SLC25A26: variants seen among roughly 807,000 people sequenced by gnomAD.
The protein encoded by SLC25A26 is solute carrier family 25 member 26, also known as mitochondrial S-adenosylmethionine carrier protein.
Under a neutral mutation model 37.8 loss-of-function variants are expected in SLC25A26, and 36 were observed. The observed-to-expected ratio is 0.95, with a 90% CI of 0.73 to 1.26. The LOEUF is 1.26. Ranked by LOEUF, SLC25A26 falls within the 50% of genes most tolerant of loss-of-function variation. The pLI is 0.00. For missense variants in SLC25A26, 390 were observed against 331.1 expected, an observed-to-expected ratio of 1.18 and a Z score of -1.38; for synonymous variants, 129 against 122.5, an observed-to-expected ratio of 1.05 and a Z score of -0.35.
intron 1 of SLC25A26, among the ~76,000 whole-genome samples, chr3:66,144,834 A>T (rs1460043807): frequency 6.6e-6 from 1 of 152,206 alleles, no homozygotes; most frequent in African/African-American, 2.4e-5. Flanking sequence ...AACTCTAATA[A>T]TCATAAAGTT....
At chr3:66,372,143 TACATAC>T (rs1485974779) in intron 9 of SLC25A26, among the ~76,000 whole-genome samples, 1 of 152,234 alleles carries the variant, frequency 6.6e-6, no homozygotes, top group Non-Finnish European at 1.5e-5. Context: ...GCAATTGGGC[TACATAC>T]ATGGAGAAGT....
rs1254338233 is a variant in SLC25A26, at chr3:66,369,522, A to G, written c.613A>G (p.Thr205Ala). 4 of 1,602,466 alleles carry G rather than the reference A, an allele frequency of 2.5e-6. No individual in the cohort carries two copies. In the Admixed American group the frequency reaches 6.8e-5, roughly 27 times the overall value. Residue 205 changes from threonine to alanine, a missense_variant, in exon 8 of 10, where the codon ACA (threonine) becomes GCA (alanine). Physicochemically the swap from Thr to Ala is moderately conservative, Grantham distance 58 (BLOSUM62 0). Transcript: ENST00000354883. ...AVTTPLDVAK[T>A]RITLAKAGSS... ...CACCACCCCTCTAGACGTGGCAAAG[A>G]CAAGAATTACGCTGGCAAAGGTAAG... is the stretch of plus-strand genomic sequence containing the variant.
At chr3:66,164,613 C>T (rs555018024) in intron 1 of SLC25A26, among the ~76,000 whole-genome samples, 1 of 152,274 alleles carries the variant, frequency 6.6e-6, no homozygotes, top group East Asian at 1.9e-4. Context: ...GATCAGCAAA[C>T]ATTTTCTGTA....
In SLC25A26 at chr3:66,221,035, G is replaced by A. The variant is rs2071461343; in HGVS notation, c.-60G>A. Reference sequence around the variant, plus strand: ...TCAAACATGGCGGCGCCCAGCGCGCGAGGACGTGATCCGCTTCTGCTCCGG... The same window carrying A: ...TCAAACATGGCGGCGCCCAGCGCGCAAGGACGTGATCCGCTTCTGCTCCGG... On this transcript the variant is annotated 5_prime_UTR_variant, in exon 1 of 10. Coordinates refer to ENST00000354883, the MANE Select transcript of SLC25A26 (RefSeq NM_001379210.1). The A allele has an allele frequency of 2.6e-6, 4 of 1,525,888 alleles. No individual in the cohort carries two copies. In the South Asian group the frequency reaches 4.8e-5, roughly 18 times the overall value. The allele number at this position is 1,525,888 out of a possible 1,614,324, so 94.5% of individuals were successfully genotyped here.
intron 1 of SLC25A26, among the ~76,000 whole-genome samples, chr3:66,225,291 A>G (rs1553660079): frequency 6.6e-6 from 1 of 152,194 alleles, no homozygotes; most frequent in East Asian, 1.9e-4. Context: ...AGAGGTTCCC[A>G]AAGCTCAGTT....
At chr3:66,369,175 C>T (rs1700206630) in intron 7 of SLC25A26, among the ~76,000 whole-genome samples, 1 of 152,034 alleles carries the variant, frequency 6.6e-6, no homozygotes, top group African/African-American at 2.4e-5. Context: ...CATGTGTACA[C>T]ATTCATCATG....
At chr3:66,167,222 A>C (rs947680383) in intron 1 of SLC25A26, among the ~76,000 whole-genome samples, 15 of 152,248 alleles carry the variant, frequency 9.9e-5, no homozygotes, top group African/African-American at 3.6e-4. Flanking sequence ...AGGAAAGGGT[A>C]CATGGCCAAA....
At chr3:66,210,519 CTT>C (rs1208164653) in intron 1 of SLC25A26, among the ~76,000 whole-genome samples, 3 of 149,114 alleles carry the variant, frequency 2.0e-5, no homozygotes, top group Non-Finnish European at 3.0e-5. Context: ...AACTGTGACT[CTT>C]TTTTTTTTCT....
chr3:66,244,963 C>T (rs900369377), intron 3 of SLC25A26, among the ~76,000 whole-genome samples: 2 of 151,998 alleles, frequency 1.3e-5, no homozygotes, highest in Non-Finnish European at 2.9e-5. Flanking sequence ...GGCGACAGAG[C>T]GAGACTCTGT....
chr3:66,273,154 T>C (rs1214095775), intron 5 of SLC25A26, among the ~76,000 whole-genome samples: 1 of 152,160 alleles, frequency 6.6e-6, no homozygotes, highest in East Asian at 1.9e-4. Flanking sequence ...CACTTGATCA[T>C]GGTGGATAAG....
intron 2 of SLC25A26, among the ~76,000 whole-genome samples, chr3:66,239,784 T>G (rs1168158324): frequency 6.6e-6 from 1 of 151,492 alleles, no homozygotes; most frequent in African/African-American, 2.4e-5. Flanking sequence ...CTGGCATAGC[T>G]GCAGCGATGG....
chr3:66,245,474 GA>G (rs1426759551), intron 3 of SLC25A26, among the ~76,000 whole-genome samples: 2 of 152,110 alleles, frequency 1.3e-5, no homozygotes, highest in Non-Finnish European at 2.9e-5. Flanking sequence ...GGGCATAATA[GA>G]AATGGACAAC....
intron 5 of SLC25A26, among the ~76,000 whole-genome samples, chr3:66,321,352 C>T (rs1213257652): frequency 1.3e-5 from 2 of 152,178 alleles, no homozygotes; most frequent in African/African-American, 4.8e-5. Flanking sequence ...TGCATCTTGG[C>T]TCAGTTGCAG....
At chr3:66,253,027 C>T (rs1396075357) in intron 3 of SLC25A26, among the ~76,000 whole-genome samples, 1 of 140,186 alleles carries the variant, frequency 7.1e-6, no homozygotes, top group South Asian at 2.3e-4. Flanking sequence ...AATAATGCCC[C>T]CCCCCCCCCA....
At chr3:66,196,843 G>A (rs1037508771) in intron 1 of SLC25A26, among the ~76,000 whole-genome samples, 2 of 151,852 alleles carry the variant, frequency 1.3e-5, no homozygotes, top group African/African-American at 4.8e-5. Context: ...GACACCTAGA[G>A]GACAGAAAGT....
intron 1 of SLC25A26, among the ~76,000 whole-genome samples, chr3:66,154,777 C>T (rs954290989): frequency 2.0e-5 from 3 of 152,108 alleles, no homozygotes; most frequent in African/African-American, 4.8e-5. Context: ...CCACAGCGCC[C>T]GGCGGGCCTT....
intron 3 of SLC25A26, among the ~76,000 whole-genome samples, chr3:66,250,713 T>A (rs2073050447): frequency 6.6e-6 from 1 of 151,978 alleles, no homozygotes; most frequent in Non-Finnish European, 1.5e-5. Context: ...CAAGGTAGAG[T>A]GAGAGACTGA....
At chr3:66,149,177 G>A (rs1249387265) in intron 1 of SLC25A26, among the ~76,000 whole-genome samples, 2 of 152,072 alleles carry the variant, frequency 1.3e-5, no homozygotes, top group Non-Finnish European at 2.9e-5. Context: ...GAGTGACATG[G>A]ACTCTAGAAA....
intron 5 of SLC25A26, among the ~76,000 whole-genome samples, chr3:66,280,308 A>G (rs1444477697): frequency 6.6e-6 from 1 of 152,146 alleles, no homozygotes; most frequent in African/African-American, 2.4e-5. Context: ...TACTTTTCAT[A>G]TATATTTTTT....
Sources: allele counts gnomAD v4.1 joint callset (sites outside exome capture counted in the v4.1 genomes callset), GRCh38; gene constraint gnomAD v4.1.1; transcripts MANE v1.5; gene names NCBI Gene and HGNC (gene_info 2026-07-23, HGNC 2026-07-21).